The following NMBR variants were observed in gnomAD, a reference collection of about 807,000 sequenced individuals.
The protein encoded by NMBR is neuromedin B receptor.
A neutral mutation model predicts 20.5 loss-of-function variants in NMBR; 16 were observed. The ratio of observed to expected loss-of-function variants is 0.78; its 90% CI spans 0.53 to 1.19. The LOEUF (loss-of-function observed/expected upper bound fraction) is 1.19. Among genes scored for constraint, NMBR ranks in the 50% most tolerant of loss-of-function variants. The pLI, the probability that NMBR is intolerant of heterozygous loss-of-function variation, is 0.00. For synonymous variants in NMBR, 212 were observed against 196.6 expected, an observed-to-expected ratio of 1.08 and a Z score of -0.65; for missense variants, 582 against 499.1, an observed-to-expected ratio of 1.17 and a Z score of -1.58.
intron 1 of NMBR, among the ~76,000 whole-genome samples, chr6:142,133,496 G>A (rs1230658576): frequency 1.3e-5 from 2 of 152,136 alleles, no homozygotes; most frequent in African/African-American, 4.8e-5. Flanking sequence ...TGTACGGACT[G>A]AGCTTACTAC....
At chr6:142,123,970 G>A (rs756437599) in intron 1 of NMBR, among the ~76,000 whole-genome samples, 3 of 151,654 alleles carry the variant, frequency 2.0e-5, no homozygotes, top group Non-Finnish European at 2.9e-5. Flanking sequence ...AAATTAACAC[G>A]GTAACTATTC....
At chr6:142,121,484 T>C (rs1777943148) in intron 1 of NMBR, among the ~76,000 whole-genome samples, 1 of 151,972 alleles carries the variant, frequency 6.6e-6, no homozygotes, top group Admixed American at 6.6e-5. Context: ...AAATTAAAAG[T>C]GCTACTCCGA....
chr6:142,077,682 C>T (rs1776977086), intron 3 of NMBR, among the ~76,000 whole-genome samples: 1 of 152,174 alleles, frequency 6.6e-6, no homozygotes, highest in African/African-American at 2.4e-5. Context: ...CCCAAGGCCC[C>T]AGCCTAATGC....
intron 1 of NMBR, among the ~76,000 whole-genome samples, chr6:142,110,001 C>T (rs187927275): frequency 2.0e-5 from 3 of 152,170 alleles, no homozygotes; most frequent in Non-Finnish European, 4.4e-5. Flanking sequence ...GTTACTCAGT[C>T]TAAGGTATTT....
chr6:142,075,730 G>C lies in NMBR; in HGVS notation c.1091C>G (p.Ser364Cys). The C allele has an allele frequency of 1.2e-6, 2 of 1,613,998 alleles. No homozygotes were observed. The highest frequency in any genetic ancestry group is 1.7e-6 in the Non-Finnish European group (2 of 1,179,900). Residue 364 changes from serine to cysteine, a missense_variant, in exon 4 of 4, where the codon TCT (serine) becomes TGT (cysteine). Coordinates refer to ENST00000258042, the MANE Select transcript of NMBR (RefSeq NM_002511.4). ...CATGTTCTTAGCATTGCTTTTCAGA[G>C]ATGTCATACGCACCGCTGAAGAGCT... is the stretch of plus-strand genomic sequence containing the variant. The part of the protein sequence containing the change: ...LLSSSAVRMT[S>C]LKSNAKNMVT...
intron 1 of NMBR, among the ~76,000 whole-genome samples, chr6:142,138,270 T>A (rs1778298622): frequency 6.6e-6 from 1 of 152,180 alleles, no homozygotes; most frequent in Non-Finnish European, 1.5e-5. Context: ...TCCTCAAGCT[T>A]TATGCAGCCT....
intron 1 of NMBR, among the ~76,000 whole-genome samples, chr6:142,095,721 G>A (rs943972993): frequency 6.6e-6 from 1 of 152,170 alleles, no homozygotes; most frequent in Non-Finnish European, 1.5e-5. Flanking sequence ...AGTTTCAGAA[G>A]GGATGGTATC....
In NMBR at chr6:142,078,773, C is replaced by A. The variant is rs764128053; in HGVS notation, c.553G>T (p.Ala185Ser). The change falls in exon 3 of 4, where the codon GCT (alanine) becomes TCT (serine). Residue 185 changes from alanine (A) to serine (S), a missense_variant. By Grantham distance (99) the Ala-to-Ser change is moderately conservative. Coordinates refer to ENST00000258042, the MANE Select transcript of NMBR (RefSeq NM_002511.4). Reference sequence around the variant, plus strand: ...CTATTATCCAAGCTACTGATGCGAGCCACTTCTGAAAACACCGCTTCGGGA... The same window carrying A: ...CTATTATCCAAGCTACTGATGCGAGACACTTCTGAAAACACCGCTTCGGGA... ...AVPEAVFSEV[A>S]RISSLDNSSF... 1 of 1,613,798 alleles carries A rather than the reference C, an allele frequency of 6.2e-7. No homozygotes were observed. The highest frequency in any genetic ancestry group is 1.1e-5 in the South Asian group (1 of 91,058).
intron 1 of NMBR, among the ~76,000 whole-genome samples, chr6:142,120,074 A>G (rs886240872): frequency 1.3e-5 from 2 of 151,984 alleles, no homozygotes; most frequent in Admixed American, 6.6e-5. Context: ...ATATCCAATG[A>G]TCTTAACTCT....
At chr6:142,119,402 C>A (rs1777906280) in intron 1 of NMBR, among the ~76,000 whole-genome samples, 3 of 151,820 alleles carry the variant, frequency 2.0e-5, no homozygotes, top group Non-Finnish European at 2.9e-5. Flanking sequence ...GGCTGGTGCC[C>A]CAGGAGCTGG....
intron 1 of NMBR, among the ~76,000 whole-genome samples, chr6:142,136,082 C>T (rs1473489873): frequency 4.6e-5 from 7 of 152,218 alleles, no homozygotes; most frequent in Admixed American, 4.6e-4. Flanking sequence ...CTGACTTCCA[C>T]AAGGGTTGAA....
At chr6:142,079,382 G>A (rs1470213980) in intron 2 of NMBR, among the ~76,000 whole-genome samples, 11 of 151,882 alleles carry the variant, frequency 7.2e-5, no homozygotes, top group African/African-American at 2.4e-4. Flanking sequence ...TATTAGCACA[G>A]AAAACAAAAA....
intron 1 of NMBR, chr6:142,133,774 G>T: frequency 3.7e-6 from 2 of 545,768 alleles, no homozygotes; most frequent in East Asian, 5.6e-5. Context: ...TTTTAAATGT[G>T]ATATAAGGAT....
chr6:142,143,362 G>A (rs1481741606), intron 1 of NMBR, among the ~76,000 whole-genome samples: 1 of 152,206 alleles, frequency 6.6e-6, no homozygotes, highest in Non-Finnish European at 1.5e-5. Flanking sequence ...TTGGCTCACT[G>A]CCACCTCTGC....
At chr6:142,081,903 T>C (rs1323827591) in intron 2 of NMBR, among the ~76,000 whole-genome samples, 1 of 152,152 alleles carries the variant, frequency 6.6e-6, no homozygotes, top group East Asian at 1.9e-4. Context: ...TCAAAAGGCA[T>C]ATAAAGAGAA....
rs1211793082 is a variant in NMBR, at chr6:142,088,182, T to C, written c.422+55A>G. On this transcript the variant is annotated intron_variant, in intron 2 of 3. Transcript: ENST00000258042. ...AGGTGCACTCCGGGTGAGTCTTCTC[T>C]ACTCGCCCCTCTCCACGACTTTTCC... is the stretch of plus-strand genomic sequence containing the variant. The C allele has an allele frequency of 6.4e-6, 10 of 1,555,596 alleles. No homozygotes were observed. The Admixed American group carries it at 1.4e-4, about 21-fold the overall frequency.
At chr6:142,094,406 G>A (rs1419762113) in intron 1 of NMBR, among the ~76,000 whole-genome samples, 1 of 152,104 alleles carries the variant, frequency 6.6e-6, no homozygotes, top group Non-Finnish European at 1.5e-5. Context: ...ATTAAATAGG[G>A]AATCCTTTCC....
chr6:142,128,018 G>T (rs1018282926), intron 1 of NMBR, among the ~76,000 whole-genome samples: 2 of 151,968 alleles, frequency 1.3e-5, no homozygotes. Flanking sequence ...TCGTTGAATT[G>T]TAATCCTCAA....
rs368180129 is a variant in NMBR, at chr6:142,109,411, G to C, written c.-663-20090C>G. Among the ~76,000 whole-genome samples the C allele has an allele frequency of 3.3e-5, 5 of 151,292 alleles. No homozygotes were observed. In the East Asian group the frequency reaches 5.8e-4, roughly 18 times the overall value. On this transcript the variant is annotated intron_variant, in intron 1 of 3. Transcript: ENST00000258042. ...CTTCATGTACCCCAGGTATTCATTGGAAAGAGAAAGAAATACATTTCTCCA... is the reference window on the plus strand; with the variant it reads ...CTTCATGTACCCCAGGTATTCATTGCAAAGAGAAAGAAATACATTTCTCCA...
Sources: allele counts gnomAD v4.1 joint callset (sites outside exome capture counted in the v4.1 genomes callset), GRCh38; gene constraint gnomAD v4.1.1; transcripts MANE v1.5; gene names NCBI Gene and HGNC (gene_info 2026-07-23, HGNC 2026-07-21).